Variants in LRRC4C observed in about 807,000 individuals in gnomAD.
LRRC4C encodes the protein leucine-rich repeat-containing protein 4C.
In LRRC4C, 5 loss-of-function variants were observed where a neutral mutation model predicts 33.6. The observed-to-expected ratio is 0.15, with a 90% CI of 0.08 to 0.31. The LOEUF (loss-of-function observed/expected upper bound fraction) is 0.31, where lower values mean the gene tolerates loss of function less well. Ranked by LOEUF, LRRC4C falls within the 10% of genes least tolerant of loss-of-function variation. The probability of loss-of-function intolerance (pLI) is 1.00; values close to 1 mark genes in which losing one functional copy is unlikely to be tolerated. For missense variants in LRRC4C, 560 were observed against 796.7 expected (o/e 0.70, Z 3.58); for synonymous variants, 329 against 302.0 (o/e 1.09, Z -0.93).
At chr11:40,583,950 G>A (rs1358032767) in intron 3 of LRRC4C, among the ~76,000 whole-genome samples, 1 of 151,654 alleles carries the variant, frequency 6.6e-6, no homozygotes, top group Non-Finnish European at 1.5e-5. Flanking sequence ...GAGGAGCATA[G>A]TAGACATCTA....
chr11:40,114,904 T>C lies in LRRC4C; in HGVS notation c.1389A>G (p.Glu463=). The change falls in exon 7 of 7, where the codon GAA becomes GAG. Residue 463 remains glutamate, a synonymous_variant. Transcript: ENST00000528697. ...TGGTCCGTGCCTCATCCTGAGACGG[T>C]TCCATAGTCTCTACTGTGACGGTTG... ...YFSTVTVETM[E]PSQDEARTTD... is the part of the protein sequence containing the mutation. The C allele has an allele frequency of 6.2e-7, 1 of 1,614,188 alleles. No individual in the cohort carries two copies. Among genetic ancestry groups the C allele is most frequent in the Non-Finnish European group, 8.5e-7 (1 of 1,180,024 alleles).
intron 1 of LRRC4C, among the ~76,000 whole-genome samples, chr11:41,010,467 CT>C (rs1855091326): frequency 6.6e-6 from 1 of 152,038 alleles, no homozygotes; most frequent in Non-Finnish European, 1.5e-5. Context: ...ACTGAGAATA[CT>C]TTTATACACA....
At chr11:41,258,188 T>G (rs543875534) in intron 1 of LRRC4C, among the ~76,000 whole-genome samples, 27 of 152,064 alleles carry the variant, frequency 1.8e-4, no homozygotes, top group African/African-American at 6.5e-4. Flanking sequence ...CCTGATCGCC[T>G]AGGGAATAAA....
At chr11:40,701,315 C>A (rs1242427646) in intron 2 of LRRC4C, among the ~76,000 whole-genome samples, 1 of 151,920 alleles carries the variant, frequency 6.6e-6, no homozygotes, top group Non-Finnish European at 1.5e-5. Context: ...ATATGACACA[C>A]CATGTAAAAG....
chr11:40,156,323 A>G (rs1475272442), intron 5 of LRRC4C, among the ~76,000 whole-genome samples: 1 of 152,182 alleles, frequency 6.6e-6, no homozygotes, highest in African/African-American at 2.4e-5. Context: ...CTCCTCTTCA[A>G]CATAGTACTA....
chr11:40,658,123 G>C (rs1030617021), intron 2 of LRRC4C, among the ~76,000 whole-genome samples: 3 of 152,152 alleles, frequency 2.0e-5, no homozygotes, highest in Non-Finnish European at 2.9e-5. Context: ...GTAAACATTA[G>C]ATCAGGACAC....
chr11:40,587,820 T>C (rs1591193438), intron 3 of LRRC4C, among the ~76,000 whole-genome samples: 1 of 152,336 alleles, frequency 6.6e-6, no homozygotes, highest in East Asian at 1.9e-4. Context: ...ATCCCAGGGA[T>C]AAAGCCCACT....
intron 1 of LRRC4C, among the ~76,000 whole-genome samples, chr11:41,248,578 C>G (rs1347366134): frequency 1.3e-5 from 2 of 152,034 alleles, no homozygotes; most frequent in Admixed American, 6.6e-5. Context: ...GCCCCATTGT[C>G]CCTACCTGTA....
intron 2 of LRRC4C, among the ~76,000 whole-genome samples, chr11:40,890,627 G>C (rs1229375850): frequency 6.6e-6 from 1 of 152,106 alleles, no homozygotes; most frequent in Non-Finnish European, 1.5e-5. Context: ...TTTGTCATTG[G>C]TGAGGAGACC....
At chr11:40,955,542 A>C (rs1347851999) in intron 1 of LRRC4C, among the ~76,000 whole-genome samples, 1 of 151,850 alleles carries the variant, frequency 6.6e-6, no homozygotes, top group Non-Finnish European at 1.5e-5. Flanking sequence ...CCATAATTAC[A>C]ATCTAAAACT....
chr11:41,097,966 C>T (rs1004053826), intron 1 of LRRC4C, among the ~76,000 whole-genome samples: 2 of 151,962 alleles, frequency 1.3e-5, no homozygotes, highest in African/African-American at 4.8e-5. Flanking sequence ...TATCTCATTG[C>T]TTTCCTCCGT....
chr11:40,468,280 A>G (rs539448961), intron 3 of LRRC4C, among the ~76,000 whole-genome samples: 1 of 152,182 alleles, frequency 6.6e-6, no homozygotes, highest in South Asian at 2.1e-4. Flanking sequence ...AATTTTCAAG[A>G]CAGTTCAACA....
At chr11:40,894,657 T>C (rs1955859844) in intron 2 of LRRC4C, among the ~76,000 whole-genome samples, 2 of 152,142 alleles carry the variant, frequency 1.3e-5, no homozygotes, top group African/African-American at 4.8e-5. Context: ...CTTAGCTTTC[T>C]GATATTCAAG....
chr11:41,336,600 T>C (rs1404003561), intron 1 of LRRC4C, among the ~76,000 whole-genome samples: 1 of 152,218 alleles, frequency 6.6e-6, no homozygotes, highest in Non-Finnish European at 1.5e-5. Context: ...TCATTCACCC[T>C]TCCTACTGTG....
At chr11:40,739,959 T>A (rs1205827908) in intron 2 of LRRC4C, among the ~76,000 whole-genome samples, 1 of 151,820 alleles carries the variant, frequency 6.6e-6, no homozygotes, top group Non-Finnish European at 1.5e-5. Context: ...TATATATTTG[T>A]ATAATATATG....
intron 2 of LRRC4C, among the ~76,000 whole-genome samples, chr11:40,663,748 A>T (rs1157647668): frequency 6.6e-6 from 1 of 152,238 alleles, no homozygotes; most frequent in Non-Finnish European, 1.5e-5. Context: ...TTTGTACCTA[A>T]TAACAATACT....
chr11:40,765,704 C>A (rs1259214877), intron 2 of LRRC4C, among the ~76,000 whole-genome samples: 1 of 151,552 alleles, frequency 6.6e-6, no homozygotes, highest in Non-Finnish European at 1.5e-5. Flanking sequence ...ATATCAGAGT[C>A]TCTTAACAGC....
chr11:41,212,754 A>G (rs1338880389), intron 1 of LRRC4C, among the ~76,000 whole-genome samples: 3 of 152,108 alleles, frequency 2.0e-5, no homozygotes, highest in Non-Finnish European at 4.4e-5. Context: ...CATGATATTG[A>G]GCTCCATTTA....
At chr11:40,908,934 C>T (rs531501116) in intron 2 of LRRC4C, among the ~76,000 whole-genome samples, 1 of 152,048 alleles carries the variant, frequency 6.6e-6, no homozygotes, top group African/African-American at 2.4e-5. Context: ...ATTACCTATG[C>T]CATTTAGGGA....
Sources: allele counts gnomAD v4.1 joint callset (sites outside exome capture counted in the v4.1 genomes callset), GRCh38; gene constraint gnomAD v4.1.1; transcripts MANE v1.5; gene names NCBI Gene and HGNC (gene_info 2026-07-23, HGNC 2026-07-21).